The following PTGIS variants were observed in gnomAD, a reference collection of about 807,000 sequenced individuals.
PTGIS encodes prostaglandin I2 synthase.
In PTGIS, 45 loss-of-function variants were observed where a neutral mutation model predicts 50.3. That is an observed-to-expected ratio of 0.90 (90% CI 0.70 to 1.15). PTGIS has a LOEUF of 1.15. PTGIS is among the 50% of genes most tolerant of loss of function. The pLI is 0.00. For missense variants in PTGIS, 668 were observed against 661.3 expected, an observed-to-expected ratio of 1.01 and a Z score of -0.11; for synonymous variants, 260 against 267.7, an observed-to-expected ratio of 0.97 and a Z score of 0.28.
intron 4 of PTGIS, 151 bp from the exon 5 acceptor site, chr20:49,539,872 GA>G: frequency 1.9e-6 from 2 of 1,075,720 alleles, no homozygotes; most frequent in Non-Finnish European, 2.7e-6. Flanking sequence ...AGTCGGCAGT[GA>G]AAAAAACAAA....
At chr20:49,549,969 G>A in intron 2 of PTGIS, 97 bp downstream of exon 2, 1 of 1,588,328 alleles carries the variant, frequency 6.3e-7, no homozygotes, top group East Asian at 2.2e-5. Context: ...GGGGTGGGGG[G>A]GTTGGCATAG....
intron 9 of PTGIS, among the ~76,000 whole-genome samples, chr20:49,508,651 C>CTTAG (rs762822815): frequency 7.4e-4 from 112 of 152,318 alleles, no homozygotes; most frequent in Non-Finnish European, 1.5e-3. Flanking sequence ...GCTGCTAACC[C>CTTAG]TTAGGTGTCT....
intron 5 of PTGIS, among the ~76,000 whole-genome samples, chr20:49,534,755 T>C (rs1466249327): frequency 6.6e-6 from 1 of 152,180 alleles, no homozygotes; most frequent in African/African-American, 2.4e-5. Flanking sequence ...CAAGATTTGA[T>C]AAGCTCAAAT....
chr20:49,532,517 T>A (rs1175471593), intron 5 of PTGIS, among the ~76,000 whole-genome samples: 4 of 152,158 alleles, frequency 2.6e-5, no homozygotes, highest in Admixed American at 2.6e-4. Context: ...ATAATAAAAG[T>A]ACCCACCACA....
Position 49,544,362 on chromosome 20 carries a change from G to A in PTGIS, c.464C>T (p.Ala155Val). The change falls in exon 4 of 10, where the codon GCA becomes GTA. Residue 155 changes from alanine to valine, a missense_variant. Coordinates refer to ENST00000244043, the MANE Select transcript of PTGIS (RefSeq NM_000961.4). ...HAVLLGDATEAGSGWHEMGLL... is the reference protein window; with the variant it reads ...HAVLLGDATEVGSGWHEMGLL... The stretch of plus-strand genomic sequence containing the variant: ...ACCCATCTCGTGCCAGCCACTGCCT[G>A]CTTCTGTAGCATCGCCCAACAGCAC... The A allele has an allele frequency of 1.2e-6, 2 of 1,614,190 alleles. No homozygotes were observed. The highest frequency in any genetic ancestry group is 1.7e-6 in the Non-Finnish European group (2 of 1,180,034).
intron 1 of PTGIS, among the ~76,000 whole-genome samples, chr20:49,558,885 G>A (rs1389946811): frequency 6.6e-6 from 1 of 152,020 alleles, no homozygotes; most frequent in Non-Finnish European, 1.5e-5. Flanking sequence ...GGCTAGTTTT[G>A]TATTTTTAGT....
intron 5 of PTGIS, among the ~76,000 whole-genome samples, chr20:49,529,638 T>A (rs1981883003): frequency 6.6e-6 from 1 of 152,146 alleles, no homozygotes; most frequent in Non-Finnish European, 1.5e-5. Flanking sequence ...CTGCTCCATC[T>A]TGCCTGGGGG....
At chr20:49,534,889 C>T (rs149223344) in intron 5 of PTGIS, among the ~76,000 whole-genome samples, 74 of 152,192 alleles carry the variant, frequency 4.9e-4, no homozygotes, top group African/African-American at 1.8e-3. Context: ...GCCTGTAGTC[C>T]CAGCTACTTG....
rs1250793392 is a variant in PTGIS at position 49,505,019 on chromosome 20, A to G, written c.*2901T>C. ...GTGCCTGTAGTCCCAGCTACTCAGG[A>G]GGCTGAGGCAGGAGAATGGTGTGAA... On this transcript the variant is annotated 3_prime_UTR_variant, in exon 10 of 10. Transcript: ENST00000244043. 2 of 149,662 alleles carry G rather than the reference A, an allele frequency of 1.3e-5. No homozygotes were observed. The highest frequency in any genetic ancestry group is 3.0e-5 in the Non-Finnish European group (2 of 67,736). The allele number at this position is 149,662 out of a possible 1,614,324, so 9.3% of individuals were successfully genotyped here. A position where few individuals can be genotyped will look rare whatever the true frequency, so the allele number is the denominator to read the frequency against.
intron 9 of PTGIS, among the ~76,000 whole-genome samples, chr20:49,508,859 G>A (rs1297190926): frequency 1.3e-5 from 2 of 152,176 alleles, no homozygotes; most frequent in African/African-American, 4.8e-5. Flanking sequence ...GCCCTACGGG[G>A]GATGTCAACG....
intron 1 of PTGIS, among the ~76,000 whole-genome samples, chr20:49,553,647 T>C (rs1982562170): frequency 6.6e-6 from 1 of 151,962 alleles, no homozygotes. Flanking sequence ...AAAAAAGTGT[T>C]CTTATTAAAA....
At position 49,554,090 on chromosome 20, in the gene PTGIS, C is replaced by T. The variant is rs1054589688; in HGVS notation, c.75-3901G>A. Among the ~76,000 whole-genome samples the T allele has an allele frequency of 3.2e-4, 48 of 152,110 alleles. 1 individual carries two copies. The highest frequency in any genetic ancestry group is 1.5e-5 in the Non-Finnish European group (1 of 68,002). ...TATTATTTTACTGTTAATAACATTA[C>T]ATGAGATTTTAATTTTTTTAACTCA... is the stretch of plus-strand genomic sequence containing the variant. On this transcript the variant is annotated intron_variant, in intron 1 of 9. Coordinates refer to ENST00000244043, the MANE Select transcript of PTGIS (RefSeq NM_000961.4).
intron 8 of PTGIS, among the ~76,000 whole-genome samples, chr20:49,511,434 A>G (rs1208013990): frequency 6.6e-6 from 1 of 152,248 alleles, no homozygotes; most frequent in Non-Finnish European, 1.5e-5. Flanking sequence ...ATGATCCTAT[A>G]CACACACCAA....
In PTGIS at chr20:49,511,108, C is replaced by G. The variant is rs996357494; in HGVS notation, c.1278G>C (p.Arg426=). Residue 426 remains arginine, a synonymous_variant, in exon 9 of 10, where the codon CGG becomes CGC. Transcript: ENST00000244043. The stretch of plus-strand genomic sequence containing the variant: ...CCCAGGGCATGTTGTAATTCTTCAG[C>G]CGTTTCCCATCCTTGTAAAAGTCTT... ...EKKDFYKDGK[R]LKNYNMPWGA... The G allele has an allele frequency of 1.2e-6, 2 of 1,614,210 alleles. No homozygotes were observed. Among genetic ancestry groups the G allele is most frequent in the Non-Finnish European group, 1.7e-6 (2 of 1,180,044 alleles).
In PTGIS at chr20:49,514,337, G is replaced by A. The variant is rs368611639; in HGVS notation, c.914C>T (p.Ala305Val). 1.1e-4 allele frequency: 179 copies of A among 1,613,978 alleles called. 2 individuals carry two copies. Among genetic ancestry groups the A allele is most frequent in the Non-Finnish European group, 2.4e-5 (28 of 1,180,048 alleles). Residue 305 changes from alanine to valine, a missense_variant, in exon 7 of 10, where the codon GCC (alanine) becomes GTC (valine). Ala to Val is a moderately conservative substitution (Grantham distance 64). Transcript: ENST00000244043. ...GAGCTCTCCGCGGACAGCAGCCAGG[G>A]CTTCAGGATTCTTGAGAAGGAAGAG... ...LLLFLLKNPE[A>V]LAAVRGELES...
At chr20:49,532,945 G>A (rs896211169) in intron 5 of PTGIS, among the ~76,000 whole-genome samples, 17 of 152,180 alleles carry the variant, frequency 1.1e-4, no homozygotes, top group African/African-American at 3.9e-4. Context: ...CCATTATTAC[G>A]AGGTATTTCT....
At chr20:49,508,125 C>G in intron 9 of PTGIS, 61 bp from the exon 10 acceptor site, 1 of 1,594,110 alleles carries the variant, frequency 6.3e-7, no homozygotes, top group Non-Finnish European at 8.6e-7. Context: ...TTATCGGGAA[C>G]AAGGCAGGGG....
At chr20:49,508,147 C>T in intron 9 of PTGIS, 83 bp from the exon 10 acceptor site, 1 of 1,511,382 alleles carries the variant, frequency 6.6e-7, no homozygotes, top group East Asian at 2.3e-5. Flanking sequence ...GCCATGGCTG[C>T]CTCCTAAGTC....
chr20:49,562,922 C>T (rs554693033), intron 1 of PTGIS, among the ~76,000 whole-genome samples: 1 of 152,320 alleles, frequency 6.6e-6, no homozygotes, highest in Admixed American at 6.5e-5. Flanking sequence ...TTCACTCCAG[C>T]ACTCAGAACA....
Sources: allele counts gnomAD v4.1 joint callset (sites outside exome capture counted in the v4.1 genomes callset), GRCh38; gene constraint gnomAD v4.1.1; transcripts MANE v1.5; gene names NCBI Gene and HGNC (gene_info 2026-07-23, HGNC 2026-07-21).